The following LIPH variants were observed in gnomAD, a reference collection of about 807,000 sequenced individuals.
LIPH encodes the protein lipase H.
In LIPH, 32 loss-of-function variants were observed where a neutral mutation model predicts 47.6. The observed-to-expected ratio is 0.67, with a 90% CI of 0.51 to 0.90. The LOEUF (loss-of-function observed/expected upper bound fraction) is 0.90, where lower values mean the gene tolerates loss of function less well. Ranked by LOEUF, LIPH falls within the 40% of genes least tolerant of loss-of-function variation. The probability of loss-of-function intolerance (pLI) is 0.00; values close to 1 mark genes in which losing one functional copy is unlikely to be tolerated. For missense variants in LIPH, 497 were observed against 541.4 expected, an observed-to-expected ratio of 0.92 and a Z score of 0.81; for synonymous variants, 190 against 195.6, an observed-to-expected ratio of 0.97 and a Z score of 0.24.
intron 1 of LIPH, among the ~76,000 whole-genome samples, chr3:185,547,157 G>C (rs115074148): frequency 6.6e-6 from 1 of 151,806 alleles, no homozygotes; most frequent in Non-Finnish European, 1.5e-5. Context: ...AAAAAAGAAG[G>C]TATCTCAGAC....
intron 9 of LIPH, 101 bp from the exon 10 acceptor site, chr3:185,508,978 T>C: frequency 1.2e-6 from 1 of 812,300 alleles, no homozygotes. Context: ...ATTTAGCAAT[T>C]GTTTTTAATA....
At chr3:185,548,712 G>C (rs562664312) in intron 1 of LIPH, among the ~76,000 whole-genome samples, 2 of 152,080 alleles carry the variant, frequency 1.3e-5, no homozygotes, top group African/African-American at 2.4e-5. Context: ...GGGCGAGACA[G>C]AGCAAGACTC....
chr3:185,531,507 T>C (rs1322412149), intron 3 of LIPH, among the ~76,000 whole-genome samples: 1 of 148,556 alleles, frequency 6.7e-6, no homozygotes, highest in Non-Finnish European at 1.5e-5. Context: ...CAGTGAGCCA[T>C]GATCATGCCA....
At chr3:185,533,985 A>G (rs1258387919) in intron 2 of LIPH, among the ~76,000 whole-genome samples, 1 of 152,192 alleles carries the variant, frequency 6.6e-6, no homozygotes. Context: ...GCCCCGTGGG[A>G]GGCCGAGGCG....
At chr3:185,513,993 T>C (rs1719647401) in intron 8 of LIPH, among the ~76,000 whole-genome samples, 1 of 152,222 alleles carries the variant, frequency 6.6e-6, no homozygotes, top group Non-Finnish European at 1.5e-5. Context: ...TGAGCTGAGA[T>C]GTTTTGATGT....
rs1437624042 is a variant in LIPH at position 185,514,487 on chromosome 3, G to A, written c.1017C>T (p.Asn339=). 3 of 1,554,722 alleles carry A rather than the reference G, an allele frequency of 1.9e-6. No homozygotes were observed. Among genetic ancestry groups the A allele is most frequent in the East Asian group, 2.2e-5 (1 of 44,584 alleles). The change falls in exon 8 of 10, where the codon AAC becomes AAT. Residue 339 remains asparagine (N), a synonymous_variant. Transcript: ENST00000296252. ...TAATGTCCCCTCTTCTTACATTCTT[G>A]TTCCATGTTATAATATCCACAAAGT... ...YHYFVDIITW[N]KNVRRGDITI...
chr3:185,526,615 AATAAT>A (rs1720089638), intron 4 of LIPH, among the ~76,000 whole-genome samples: 1 of 44,052 alleles, frequency 2.3e-5, no homozygotes, highest in African/African-American at 5.8e-5. Context: ...TAAAAAATAA[AATAAT>A]AAAATAAAAT....
At chr3:185,524,240 A>C in intron 4 of LIPH, 80 bp from the exon 5 acceptor site, 1 of 819,150 alleles carries the variant, frequency 1.2e-6, no homozygotes, top group Non-Finnish European at 2.1e-6. Context: ...AGGTATAAGC[A>C]GGAATTGTAT....
intron 1 of LIPH, among the ~76,000 whole-genome samples, chr3:185,539,986 C>T (rs1720650230): frequency 6.6e-6 from 1 of 152,250 alleles, no homozygotes; most frequent in Non-Finnish European, 1.5e-5. Context: ...TAATTGGAAA[C>T]TTTGGCTCAA....
chr3:185,536,253 C>G (rs565030666), intron 1 of LIPH, among the ~76,000 whole-genome samples: 1 of 152,246 alleles, frequency 6.6e-6, no homozygotes, highest in African/African-American at 2.4e-5. Context: ...ACATGTGGAA[C>G]AGCAAGTCAT....
intron 4 of LIPH, among the ~76,000 whole-genome samples, chr3:185,526,661 AATAAT>A (rs1193882391): frequency 0.018 from 1,783 of 100,574 alleles, 33 homozygotes; most frequent in African/African-American, 0.052. Flanking sequence ...TAAAATAAAA[AATAAT>A]ATAATATAAT....
chr3:185,522,057 G>T (rs1210653737), intron 5 of LIPH, among the ~76,000 whole-genome samples: 1 of 152,164 alleles, frequency 6.6e-6, no homozygotes, highest in Non-Finnish European at 1.5e-5. Context: ...AGGAATGGTT[G>T]TTTGTGCTGG....
In LIPH at chr3:185,536,698, A is replaced by G. The variant is rs1050614887; in HGVS notation, c.50-1566T>C. On this transcript the variant is annotated intron_variant, in intron 1 of 9. Transcript: ENST00000296252. ...TAAATAAATATGTAAATAAATAAAT[A>G]AATAAAAATTAAATGAACTTAAAGG... is the stretch of plus-strand genomic sequence containing the variant. Among the ~76,000 whole-genome samples, 141 of 152,150 alleles carry G rather than the reference A, an allele frequency of 9.3e-4. 1 individual carries two copies. Among genetic ancestry groups the G allele is most frequent in the Non-Finnish European group, 1.6e-4 (11 of 68,024 alleles).
At chr3:185,530,386 G>A (rs1302720318) in intron 3 of LIPH, among the ~76,000 whole-genome samples, 1 of 152,110 alleles carries the variant, frequency 6.6e-6, no homozygotes, top group Non-Finnish European at 1.5e-5. Flanking sequence ...GCTGAGGCAT[G>A]AGAATCTCTT....
intron 3 of LIPH, among the ~76,000 whole-genome samples, chr3:185,529,930 G>T (rs1720264223): frequency 4.4e-5 from 2 of 45,890 alleles, no homozygotes; most frequent in African/African-American, 1.2e-4. Context: ...AAGAAAGAAA[G>T]AAAGAAAGAA....
chr3:185,533,182 A>G (rs1204527155), intron 3 of LIPH, among the ~76,000 whole-genome samples: 1 of 152,114 alleles, frequency 6.6e-6, no homozygotes, highest in African/African-American at 2.4e-5. Flanking sequence ...TCGTTTTCTT[A>G]TGAGACTCCA....
intron 6 of LIPH, among the ~76,000 whole-genome samples, chr3:185,517,431 C>T (rs183965921): frequency 6.6e-6 from 1 of 152,294 alleles, no homozygotes; most frequent in Admixed American, 6.5e-5. Flanking sequence ...GGGTGTGGCA[C>T]ACACTGGTGT....
intron 3 of LIPH, among the ~76,000 whole-genome samples, chr3:185,532,858 A>G (rs892213492): frequency 3.3e-5 from 5 of 152,092 alleles, no homozygotes; most frequent in Middle Eastern, 3.2e-3. Context: ...TGTGGCCCTA[A>G]AAGTTTACCT....
At chr3:185,529,968 AAG>A (rs1208471289) in intron 3 of LIPH, among the ~76,000 whole-genome samples, 3 of 57,066 alleles carry the variant, frequency 5.3e-5, no homozygotes, top group Non-Finnish European at 1.3e-4. Flanking sequence ...GAAAGAAGGA[AAG>A]AAAGAAAGAG....
Sources: allele counts gnomAD v4.1 joint callset (sites outside exome capture counted in the v4.1 genomes callset), GRCh38; gene constraint gnomAD v4.1.1; transcripts MANE v1.5; gene names NCBI Gene and HGNC (gene_info 2026-07-23, HGNC 2026-07-21).